Variants in MYH7 observed in about 807,000 individuals in gnomAD.
MYH7 encodes the protein myosin heavy chain 7.
MYH7 carries 129 observed loss-of-function variants against 225.4 expected under a neutral mutation model. The ratio of observed to expected loss-of-function variants is 0.57; its 90% CI spans 0.50 to 0.66. The LOEUF (loss-of-function observed/expected upper bound fraction) is 0.66, where lower values mean the gene tolerates loss of function less well. Among genes scored for constraint, MYH7 ranks in the 30% least tolerant of loss-of-function variants. The pLI is 0.00. For missense variants in MYH7, 1,649 were observed against 2,517.0 expected (o/e 0.66, Z 7.38); for synonymous variants, 971 against 1,007.6 (o/e 0.96, Z 0.69).
At chr14:23,413,212 A>C (rs1166945191) in intron 39 of MYH7, among the ~76,000 whole-genome samples, 1 of 152,214 alleles carries the variant, frequency 6.6e-6, no homozygotes, top group East Asian at 1.9e-4. Flanking sequence ...AAACTGGGAT[A>C]TACTGGTTGT....
chr14:23,417,964 G>A (rs768067791), intron 30 of MYH7: 4 of 867,406 alleles, frequency 4.6e-6, no homozygotes, highest in Non-Finnish European at 8.0e-6. Context: ...CTGCCACAGT[G>A]CCCTGCCCCA....
intron 12 of MYH7, 71 bp from the exon 13 acceptor site, chr14:23,429,418 G>A: frequency 3.4e-6 from 5 of 1,456,228 alleles, no homozygotes; most frequent in Non-Finnish European, 3.8e-6. Context: ...GTTCATGCCT[G>A]TAATCCCAGC....
chr14:23,413,885 T>C lies in MYH7; in HGVS notation c.5664A>G (p.Gln1888=), dbSNP rs540350007. Reference sequence around the variant, plus strand: ...GGAACTTGGACAGGTTGGTGTTGGCTTGCTCCTCCTGCGGGAGGTGGGAGC... The same window carrying C: ...GGAACTTGGACAGGTTGGTGTTGGCCTGCTCCTCCTGCGGGAGGTGGGAGC... ...YKRQAEEAEE[Q]ANTNLSKFRK... is the part of the protein sequence containing the mutation. Residue 1888 remains glutamine (Q), a synonymous_variant, in exon 39 of 40, where the codon CAA becomes CAG. Transcript: ENST00000355349. 8 of 1,614,226 alleles carry C rather than the reference T, an allele frequency of 5.0e-6. No homozygotes were observed. The African/African-American group carries it at 1.1e-4, about 22-fold the overall frequency.
At chr14:23,412,894 A>G (rs1232698507) in intron 39 of MYH7, 23 bp from the exon 40 acceptor site, 1 of 1,613,388 alleles carries the variant, frequency 6.2e-7, no homozygotes, top group Non-Finnish European at 8.5e-7. Flanking sequence ...AACAAAGTCC[A>G]ATCAGTCCTT....
chr14:23,422,061 T>G, intron 25 of MYH7, 119 bp downstream of exon 25: 1 of 1,487,520 alleles, frequency 6.7e-7, no homozygotes, highest in Non-Finnish European at 9.2e-7. Flanking sequence ...TTCCCATGGT[T>G]TGCGCCTCCA....
rs758208825 is a variant in MYH7 at position 23,420,940 on chromosome 14, T to A, written c.3336+18A>T. The A allele has an allele frequency of 1.8e-5, 29 of 1,606,548 alleles. No individual in the cohort carries two copies. The highest frequency in any genetic ancestry group is 1.7e-4 in the South Asian group (15 of 90,874). ...CAGCCCAGGGACTCAGCATCCCGCG[T>A]GGGTGTCCAGACCTCACCTGAAGCT... On this transcript the variant is annotated intron_variant, in intron 26 of 39. Transcript: ENST00000355349.
chr14:23,416,766 G>A, intron 33 of MYH7, 102 bp downstream of exon 33: 1 of 1,585,078 alleles, frequency 6.3e-7, no homozygotes, highest in Non-Finnish European at 8.6e-7. Context: ...CTAGGCTCTG[G>A]GGATGGGACA....
chr14:23,432,371 TG>T (rs887629532), intron 6 of MYH7, 107 bp downstream of exon 6: 5 of 1,388,816 alleles, frequency 3.6e-6, no homozygotes, highest in Non-Finnish European at 4.1e-6. Context: ...GGCACGAGGT[TG>T]GGGGGAAAGA....
Position 23,420,179 on chromosome 14 carries a change from T to C in MYH7, c.3392A>G (p.Lys1131Arg). The C allele has an allele frequency of 1.2e-6, 2 of 1,605,114 alleles. No individual in the cohort carries two copies. Among genetic ancestry groups the C allele is most frequent in the Non-Finnish European group, 1.7e-6 (2 of 1,177,220 alleles). Reference sequence around the variant, plus strand: ...CAGGTCTGAGCGCAGCTTCTCCACCTTAGCCCTGGCGGTGCGCTCGGCCTC... The same window carrying C: ...CAGGTCTGAGCGCAGCTTCTCCACCCTAGCCCTGGCGGTGCGCTCGGCCTC... Reference protein sequence around the residue: ...ELEAERTARAKVEKLRSDLSR... With the variant: ...ELEAERTARARVEKLRSDLSR... Residue 1131 changes from lysine to arginine, a missense_variant, in exon 27 of 40, where the codon AAG (lysine) becomes AGG (arginine). Physicochemically the swap from Lys to Arg is conservative, Grantham distance 26. This residue lies in a region of MYH7 where 106 missense variants were observed against 198.8 expected (regional missense o/e 0.53). Transcript: ENST00000355349.
At chr14:23,414,927 T>G in intron 37 of MYH7, 68 bp downstream of exon 37, 1 of 1,599,700 alleles carries the variant, frequency 6.3e-7, no homozygotes, top group Non-Finnish European at 8.5e-7. Flanking sequence ...AAACTCTTCA[T>G]TCTCCTCAGC....
chr14:23,420,264 C>A, intron 26 of MYH7, 30 bp from the exon 27 acceptor site: 3 of 1,604,328 alleles, frequency 1.9e-6, no homozygotes, highest in Non-Finnish European at 2.5e-6. Context: ...TCAGACCCAC[C>A]GCCTGGACCC....
intron 10 of MYH7, 29 bp downstream of exon 10, chr14:23,430,872 G>T: frequency 6.5e-7 from 1 of 1,541,348 alleles, no homozygotes; most frequent in Non-Finnish European, 9.0e-7. Flanking sequence ...CATGGAGATA[G>T]TTGGTCTCAG....
Position 23,431,450 on chromosome 14 carries a change from G to A in MYH7, c.764C>T (p.Thr255Ile), listed in dbSNP as rs1892933875. Residue 255 changes from threonine (T) to isoleucine (I), a missense_variant, in exon 9 of 40, where the codon ACA becomes ATA. This residue lies in a region of MYH7 where 131 missense variants were observed against 231.3 expected (regional missense o/e 0.57). Coordinates refer to ENST00000355349, the MANE Select transcript of MYH7 (RefSeq NM_000257.4). ...GKFIRIHFGA[T>I]GKLASADIET... ...TATGTCTGCAGATGCCAACTTTCCT[G>A]TTGCCCCAAAATGAATTCGAATGAA... 6.2e-7 allele frequency: 1 copy of A among 1,614,206 alleles called. No homozygotes were observed. Among genetic ancestry groups the A allele is most frequent in the Non-Finnish European group, 8.5e-7 (1 of 1,180,032 alleles).
At position 23,422,227 on chromosome 14, in the gene MYH7, G is replaced by C. The variant is rs1218107954; in HGVS notation, c.3198C>G (p.Ile1066Met). Reference protein sequence around the residue: ...EGDLKLTQESIMDLENDKQQL... With the variant: ...EGDLKLTQESMMDLENDKQQL... ...GCTGCTTGTCATTCTCCAGGTCCAT[G>C]ATGCTCTCCTGGGTCAGCTTCAGGT... The change falls in exon 25 of 40, where the codon ATC becomes ATG. Residue 1066 changes from isoleucine to methionine, a missense_variant. This residue lies in a region of MYH7 where 282 missense variants were observed against 315.3 expected (regional missense o/e 0.89). Transcript: ENST00000355349. 7 of 1,613,780 alleles carry C rather than the reference G, an allele frequency of 4.3e-6. No individual in the cohort carries two copies. Among genetic ancestry groups the C allele is most frequent in the Non-Finnish European group, 5.9e-6 (7 of 1,180,050 alleles).
rs563072866 is a variant in MYH7, at chr14:23,420,720, A to C, written c.3336+238T>G. On this transcript the variant is annotated intron_variant, in intron 26 of 39. Transcript: ENST00000355349. The stretch of plus-strand genomic sequence containing the variant: ...CCCAGAGGTCACCCAACTAAGGCAG[A>C]GCTGAGACAGGAAGCCAGGAATTCT... Among the ~76,000 whole-genome samples, 3 of 152,286 alleles carry C rather than the reference A, an allele frequency of 2.0e-5. No individual in the cohort carries two copies. The East Asian group carries it at 5.8e-4, about 29-fold the overall frequency.
At chr14:23,417,066 C>T in intron 32 of MYH7, 74 bp from the exon 33 acceptor site, 1 of 1,614,070 alleles carries the variant, frequency 6.2e-7, no homozygotes, top group South Asian at 1.1e-5. Context: ...GCCTCTTTGC[C>T]CAGACGCCTC....
intron 25 of MYH7, 113 bp from the exon 26 acceptor site, chr14:23,421,161 A>T (rs1213382642): frequency 5.0e-6 from 4 of 797,726 alleles, no homozygotes; most frequent in Admixed American, 2.0e-5. Flanking sequence ...CATTAGAAAA[A>T]CAGCTTCTGG....
chr14:23,415,581 G>A lies in MYH7; in HGVS notation c.5157+48C>T, dbSNP rs1566523105. 6.2e-7 allele frequency: 1 copy of A among 1,613,794 alleles called. No homozygotes were observed. The highest frequency in any genetic ancestry group is 8.5e-7 in the Non-Finnish European group (1 of 1,180,014). ...GCATAGCTCTCAAGCCTTGCTTGCT[G>A]AGCCCCAGCCTGTGCTCCCTTCAGG... On this transcript the variant is annotated intron_variant, in intron 35 of 39. Transcript: ENST00000355349. This position sits in a 1 kb window ranked among gnomAD's most constrained non-coding sequence, Gnocchi z 6.3.
Position 23,418,284 on chromosome 14 carries a change from G to T in MYH7, c.4095C>A (p.Asn1365Lys). Reference sequence around the variant, plus strand: ...TGGTCCTCCACTGGGCCACCTCCGAGTTGGCCTTGGAAAGGACGCGCTGCA... The same window carrying T: ...TGGTCCTCCACTGGGCCACCTCCGATTTGGCCTTGGAAAGGACGCGCTGCA... ...AELQRVLSKANSEVAQWRTKY... is the reference protein window; with the variant it reads ...AELQRVLSKAKSEVAQWRTKY... Residue 1365 changes from asparagine (N) to lysine (K), a missense_variant, in exon 30 of 40, where the codon AAC becomes AAA. Around this residue, in one of 12 missense-constraint regions of MYH7, gnomAD observed 687 missense variants for 913.8 expected, o/e 0.75. Transcript: ENST00000355349. 2 of 1,613,680 alleles carry T rather than the reference G, an allele frequency of 1.2e-6. No individual in the cohort carries two copies. The highest frequency in any genetic ancestry group is 1.7e-6 in the Non-Finnish European group (2 of 1,180,046).
Sources: gnomAD v4.1 joint callset for allele counts (sites outside exome capture counted in the v4.1 genomes callset) on GRCh38, gnomAD v4.1.1 for gene constraint, gnomAD v4.1.1 regional missense constraint, Gnocchi (gnomAD v3.1) non-coding constraint, MANE v1.5 for transcripts, NCBI Gene and HGNC (gene_info 2026-07-23, HGNC 2026-07-21) for gene names.